NBEAL1: variants seen among roughly 807,000 people sequenced by gnomAD.
NBEAL1 encodes the protein neurobeachin-like protein 1.
Under a neutral mutation model 351.3 loss-of-function variants are expected in NBEAL1, and 273 were observed. The observed-to-expected ratio is 0.78, with a 90% CI of 0.70 to 0.86. The LOEUF (loss-of-function observed/expected upper bound fraction) is 0.86, where lower values mean the gene tolerates loss of function less well. Ranked by LOEUF, NBEAL1 falls within the 40% of genes least tolerant of loss-of-function variation. The probability of loss-of-function intolerance (pLI) is 0.00; values close to 1 mark genes in which losing one functional copy is unlikely to be tolerated. For missense variants in NBEAL1, 2,961 were observed against 3,201.3 expected (o/e 0.92, Z 1.81); for synonymous variants, 1,050 against 1,086.4 (o/e 0.97, Z 0.66).
At chr2:203,198,284 G>A (rs997426176) in intron 48 of NBEAL1, among the ~76,000 whole-genome samples, 5 of 151,558 alleles carry the variant, frequency 3.3e-5, no homozygotes, top group African/African-American at 1.2e-4. Flanking sequence ...AAGTGCCTGC[G>A]TTTTTTAAAG....
At chr2:203,086,026 A>C (rs972417459) in intron 10 of NBEAL1, 10 of 152,236 alleles carry the variant, frequency 6.6e-5, no homozygotes, top group Non-Finnish European at 1.3e-4. Context: ...TTCCATTATC[A>C]GTGTTAACTT....
At chr2:203,091,347 T>C (rs1159866198) in intron 10 of NBEAL1, among the ~76,000 whole-genome samples, 1 of 152,236 alleles carries the variant, frequency 6.6e-6, no homozygotes, top group Admixed American at 6.5e-5. Context: ...AATATTCCAT[T>C]GTATGTATAT....
At chr2:203,211,448 C>T (rs2065787299) in intron 54 of NBEAL1, among the ~76,000 whole-genome samples, 1 of 151,952 alleles carries the variant, frequency 6.6e-6, no homozygotes, top group Admixed American at 6.6e-5. Context: ...TAAGACCAAC[C>T]TGGGCACATA....
At chr2:203,215,225 G>A (rs959090903) in intron 55 of NBEAL1, among the ~76,000 whole-genome samples, 1 of 152,142 alleles carries the variant, frequency 6.6e-6, no homozygotes, top group Non-Finnish European at 1.5e-5. Flanking sequence ...GTGTGGGCCA[G>A]GTGCAGTGCT....
chr2:203,099,514 A>G (rs2062261877), intron 11 of NBEAL1, 115 bp from the exon 12 acceptor site: 2 of 608,476 alleles, frequency 3.3e-6, no homozygotes, highest in African/African-American at 3.7e-5. Context: ...TCAGAAGAGG[A>G]ATGTAATGCA....
intron 18 of NBEAL1, among the ~76,000 whole-genome samples, chr2:203,119,938 C>T (rs2062792383): frequency 6.6e-6 from 1 of 152,024 alleles, no homozygotes; most frequent in Non-Finnish European, 1.5e-5. Context: ...TTTTTTTGTA[C>T]TCAATTGTAG....
At chr2:203,135,268 C>T (rs556469838) in intron 27 of NBEAL1, among the ~76,000 whole-genome samples, 1 of 151,922 alleles carries the variant, frequency 6.6e-6, no homozygotes, top group African/African-American at 2.4e-5. Context: ...GTGTCCTATT[C>T]ACTCCCCTAA....
At chr2:203,118,656 A>G (rs1023621775) in intron 18 of NBEAL1, among the ~76,000 whole-genome samples, 11 of 151,624 alleles carry the variant, frequency 7.3e-5, no homozygotes, top group Non-Finnish European at 1.5e-4. Flanking sequence ...CAGTGGCGCA[A>G]TCTTGGCTCA....
chr2:203,221,724 C>G lies in NBEAL1; in HGVS notation c.*4370C>G, dbSNP rs1258686643. Among the ~76,000 whole-genome samples the G allele has an allele frequency of 1.3e-5, 2 of 152,136 alleles. No homozygotes were observed. Among genetic ancestry groups the G allele is most frequent in the African/African-American group, 2.4e-5 (1 of 41,438 alleles). ...GCTGAATTCGTATATTGTATATGCT[C>G]AACATATTATTTGTTTTAAACTTGA... On this transcript the variant is annotated 3_prime_UTR_variant, in exon 56 of 56. Transcript: ENST00000683969.
At chr2:203,211,942 C>T (rs1184928260) in intron 54 of NBEAL1, among the ~76,000 whole-genome samples, 3 of 152,050 alleles carry the variant, frequency 2.0e-5, no homozygotes, top group African/African-American at 7.2e-5. Flanking sequence ...GGCTGGAGTG[C>T]AGTGGCATGA....
intron 35 of NBEAL1, among the ~76,000 whole-genome samples, chr2:203,152,779 G>A (rs1031670533): frequency 8.5e-5 from 13 of 152,156 alleles, no homozygotes; most frequent in Admixed American, 7.9e-4. Context: ...GCTCATGCCT[G>A]TAATCCCAGC....
chr2:203,097,779 A>G (rs2062214387), intron 11 of NBEAL1, 146 bp downstream of exon 11: 1 of 196,660 alleles, frequency 5.1e-6, no homozygotes, highest in Non-Finnish European at 9.2e-6. Flanking sequence ...AAAATTACTA[A>G]AAAGTTAAAA....
At chr2:203,064,637 AAGG>A (rs1193297310) in intron 6 of NBEAL1, among the ~76,000 whole-genome samples, 1 of 152,228 alleles carries the variant, frequency 6.6e-6, no homozygotes, top group Admixed American at 6.5e-5. Context: ...TTTTTAAAAA[AAGG>A]AGGGCTGGAG....
intron 36 of NBEAL1, among the ~76,000 whole-genome samples, chr2:203,162,239 A>G (rs546404913): frequency 6.6e-6 from 1 of 151,548 alleles, no homozygotes; most frequent in Non-Finnish European, 1.5e-5. Context: ...GGCCAGGCTA[A>G]TCTCAAACTC....
intron 15 of NBEAL1, 150 bp downstream of exon 15, chr2:203,110,432 G>A: frequency 1.3e-6 from 1 of 771,538 alleles, no homozygotes; most frequent in Non-Finnish European, 2.0e-6. Flanking sequence ...CAGCACTTTA[G>A]GAGCCCAAAG....
At chr2:203,070,764 T>A (rs1033335901) in intron 7 of NBEAL1, among the ~76,000 whole-genome samples, 5 of 152,068 alleles carry the variant, frequency 3.3e-5, no homozygotes, top group Non-Finnish European at 7.4e-5. Flanking sequence ...TCATGAGAAC[T>A]CTGTCATGAG....
chr2:203,209,265 A>G lies in NBEAL1; in HGVS notation c.7728A>G (p.Ile2576Met), dbSNP rs750059988. The change falls in exon 53 of 56, where the codon ATA becomes ATG. Residue 2576 changes from isoleucine (I) to methionine (M), a missense_variant. Transcript: ENST00000683969. ...TCCTGACCATTCCTAATTTGGCTAT[A>G]TCTTGGGAAGGACATATTGTTGTCT... The part of the protein sequence containing the change: ...SLFLTIPNLA[I>M]SWEGHIVVYS... The G allele has an allele frequency of 1.3e-5, 21 of 1,613,896 alleles. No homozygotes were observed. Among genetic ancestry groups the G allele is most frequent in the Non-Finnish European group, 5.1e-6 (6 of 1,179,930 alleles).
In NBEAL1 at chr2:203,125,408, C is replaced by G; in HGVS notation, c.2739C>G (p.Ile913Met). Residue 913 changes from isoleucine (I) to methionine (M), a missense_variant, in exon 20 of 56, where the codon ATC (isoleucine) becomes ATG (methionine). By Grantham distance (10) the Ile-to-Met change is conservative. Transcript: ENST00000683969. ...LNVLFPLLEQ[I>M]SHFSEGQIPE... ...TACTCTTTCCTTTATTGGAACAAATCAGCCACTTTAGTGAAGGACAGATTC... is the reference window on the plus strand; with the variant it reads ...TACTCTTTCCTTTATTGGAACAAATGAGCCACTTTAGTGAAGGACAGATTC... The G allele has an allele frequency of 3.9e-6, 6 of 1,547,650 alleles. No individual in the cohort carries two copies. The highest frequency in any genetic ancestry group is 5.2e-6 in the Non-Finnish European group (6 of 1,145,238).
Position 203,126,084 on chromosome 2 carries a change from A to G in NBEAL1, c.2976A>G (p.Leu992=), listed in dbSNP as rs2062930664. The G allele has an allele frequency of 6.5e-7, 1 of 1,543,342 alleles. No individual in the cohort carries two copies. The highest frequency in any genetic ancestry group is 2.5e-5 in the East Asian group (1 of 40,458). Residue 992 remains leucine (L), a synonymous_variant, in exon 21 of 56, where the codon TTA becomes TTG. Transcript: ENST00000683969. ...HSHGVATLGA[L]LQKVPSTLMD... ...ATGGAGTTGCAACTCTTGGTGCTTT[A>G]CTTCAGAAGGTGAGCCAGTCTAACA...
Sources: allele counts gnomAD v4.1 joint callset (sites outside exome capture counted in the v4.1 genomes callset), GRCh38; gene constraint gnomAD v4.1.1; transcripts MANE v1.5; gene names NCBI Gene and HGNC (gene_info 2026-07-23, HGNC 2026-07-21).